The following IGFN1 variants were observed in gnomAD, a reference collection of about 807,000 sequenced individuals.
IGFN1 encodes immunoglobulin like and fibronectin type III domain containing 1, also known as immunoglobulin-like and fibronectin type III domain-containing protein 1.
Under a neutral mutation model 289.5 loss-of-function variants are expected in IGFN1, and 253 were observed. The observed-to-expected ratio is 0.87, with a 90% CI of 0.79 to 0.97. The LOEUF (loss-of-function observed/expected upper bound fraction) is 0.97. Ranked by LOEUF, IGFN1 falls within the 50% of genes least tolerant of loss-of-function variation. IGFN1 has a pLI of 0.00. For synonymous variants in IGFN1, 1,706 were observed against 1,788.5 expected, an observed-to-expected ratio of 0.95 and a Z score of 1.16; for missense variants, 4,470 against 4,686.1, an observed-to-expected ratio of 0.95 and a Z score of 1.35.
At chr1:201,226,453 T>C (rs570048556) in intron 22 of IGFN1, among the ~76,000 whole-genome samples, 56 of 152,298 alleles carry the variant, frequency 3.7e-4, no homozygotes, top group Non-Finnish European at 5.9e-5. Context: ...GAAAACAAAG[T>C]GTATATTTTA....
intron 16 of IGFN1, among the ~76,000 whole-genome samples, 167 bp from the exon 17 acceptor site, chr1:201,217,120 A>G (rs891016890): frequency 6.6e-6 from 1 of 152,044 alleles, no homozygotes; most frequent in Non-Finnish European, 1.5e-5. Flanking sequence ...CCTTCCCTTG[A>G]ATAGCCAGAA....
rs563054966 is a variant in IGFN1, at chr1:201,212,274, C to A, written c.7381C>A (p.Arg2461=). 3 of 1,535,648 alleles carry A rather than the reference C, an allele frequency of 2.0e-6. No individual in the cohort carries two copies. Among genetic ancestry groups the A allele is most frequent in the Non-Finnish European group, 2.6e-6 (3 of 1,146,484 alleles). ...QGGRQTLSDE[R]GSTKDLGGYG... is the part of the protein sequence containing the mutation. ...AGGGCGACAGACTCTTTCAGATGAGCGAGGCTCCACCAAAGATCTTGGGGG... is the reference window on the plus strand; with the variant it reads ...AGGGCGACAGACTCTTTCAGATGAGAGAGGCTCCACCAAAGATCTTGGGGG... Residue 2461 remains arginine, a synonymous_variant, in exon 12 of 24, where the codon CGA becomes AGA. Coordinates refer to ENST00000335211, the MANE Select transcript of IGFN1 (RefSeq NM_001164586.2).
chr1:201,221,799 G>C, intron 19 of IGFN1, 53 bp downstream of exon 19: 4 of 1,488,708 alleles, frequency 2.7e-6, no homozygotes, highest in Non-Finnish European at 2.7e-6. Context: ...TCTCCTAAGA[G>C]GGGGCCCCTG....
At position 201,210,000 on chromosome 1, in the gene IGFN1, G is replaced by A. The variant is rs71635535; in HGVS notation, c.5107G>A (p.Gly1703Arg). Residue 1703 changes from glycine to arginine, a missense_variant, in exon 12 of 24, where the codon GGG (glycine) becomes AGG (arginine). Physicochemically the swap from Gly to Arg is moderately radical, Grantham distance 125. Coordinates refer to ENST00000335211, the MANE Select transcript of IGFN1 (RefSeq NM_001164586.2). ...TGGTTTAGGGAGTTCTGTAGAAATG[G>A]GGTCAGTGAATGAGGCAGGTTATAG... is the stretch of plus-strand genomic sequence containing the variant. ...RDGLGSSVEMGSVNEAGYRKD... is the reference protein window; with the variant it reads ...RDGLGSSVEMRSVNEAGYRKD... The A allele has an allele frequency of 0.044, 65,221 of 1,497,742 alleles. 636 individuals are homozygous for A. Among genetic ancestry groups the A allele is most frequent in the Middle Eastern group, 0.053 (307 of 5,838 alleles). 92.8% of individuals were successfully genotyped at this position (1,497,742 alleles called of 1,614,324 possible).
intron 4 of IGFN1, among the ~76,000 whole-genome samples, chr1:201,196,276 C>G (rs1303378167): frequency 6.6e-6 from 1 of 152,166 alleles, no homozygotes; most frequent in African/African-American, 2.4e-5. Context: ...TTTAGAAAGT[C>G]ATTTTACTCT....
chr1:201,212,691 G>C lies in IGFN1; in HGVS notation c.7798G>C (p.Asp2600His), dbSNP rs977427776. 6.5e-7 allele frequency: 1 copy of C among 1,548,516 alleles called. No homozygotes were observed. The highest frequency in any genetic ancestry group is 8.7e-7 in the Non-Finnish European group (1 of 1,145,266). ...GSSVGTGQDL[D>H]SGSMPGGRGK... ...TTCAGTGGGGACAGGTCAGGATCTG[G>C]ACAGCGGCTCTATGCCTGGGGGAAG... The change falls in exon 12 of 24, where the codon GAC becomes CAC. Residue 2600 changes from aspartate to histidine, a missense_variant. Transcript: ENST00000335211.
rs1375987620 is a variant in IGFN1 at position 201,226,036 on chromosome 1, T to C, written c.10699T>C (p.Tyr3567His). The change falls in exon 22 of 24, where the codon TAC (tyrosine) becomes CAC (histidine). Residue 3567 changes from tyrosine (Y) to histidine (H), a missense_variant. Transcript: ENST00000335211. ...CCTGGGCATCCTCCCCGGCCACGAA[T>C]ACCACTTCAGGGTGGTGGCCAAGAA... is the stretch of plus-strand genomic sequence containing the variant. Reference protein sequence around the residue: ...TLLGILPGHEYHFRVVAKNEL... With the variant: ...TLLGILPGHEHHFRVVAKNEL... The C allele has an allele frequency of 1.3e-6, 2 of 1,591,554 alleles. No homozygotes were observed. The highest frequency in any genetic ancestry group is 8.6e-7 in the Non-Finnish European group (1 of 1,166,158).
chr1:201,219,587 C>G (rs1653572979), intron 18 of IGFN1, among the ~76,000 whole-genome samples: 1 of 152,232 alleles, frequency 6.6e-6, no homozygotes, highest in Non-Finnish European at 1.5e-5. Flanking sequence ...AAATGCTGCT[C>G]TGTATTTCTC....
rs1314736424 is a variant in IGFN1, at chr1:201,207,078, G to A, written c.2185G>A (p.Glu729Lys). ...GATACCTGGAGGCAAGGACTTCCAG[G>A]AACCATCAATATCAGGTGGTAGAAA... ...EQIPGGKDFQ[E>K]PSISGGRKFL... The change falls in exon 12 of 24, where the codon GAA becomes AAA. Residue 729 changes from glutamate to lysine, a missense_variant. Physicochemically the swap from Glu to Lys is moderately conservative, Grantham distance 56 (BLOSUM62 1). Transcript: ENST00000335211. 14 of 1,537,006 alleles carry A rather than the reference G, an allele frequency of 9.1e-6. No homozygotes were observed. Among genetic ancestry groups the A allele is most frequent in the Non-Finnish European group, 1.1e-5 (13 of 1,146,876 alleles).
intron 13 of IGFN1, 70 bp downstream of exon 13, chr1:201,214,371 C>A (rs941954308): frequency 8.2e-5 from 120 of 1,458,056 alleles, no homozygotes; most frequent in Non-Finnish European, 1.1e-4. Flanking sequence ...GGGGCAAGAG[C>A]GTAGAGGCTT....
chr1:201,218,008 TGCTGAAGGGTCTTGTGATAACCCTTAGCA>T (rs1653445248), intron 17 of IGFN1, among the ~76,000 whole-genome samples: 2 of 152,244 alleles, frequency 1.3e-5, no homozygotes, highest in Admixed American at 1.3e-4. Flanking sequence ...GCTGGGCAGA[TGCTGAAGGGTCTTGTGATAACCCTTAGCA>T]TTTCCTTGCT....
chr1:201,206,035 C>A, intron 11 of IGFN1, 48 bp from the exon 12 acceptor site: 1 of 1,287,520 alleles, frequency 7.8e-7, no homozygotes, highest in South Asian at 1.3e-5. Context: ...TTTCTCTTGT[C>A]TCTCCATGTG....
chr1:201,204,431 C>G (rs533246048), intron 10 of IGFN1, among the ~76,000 whole-genome samples: 1 of 152,202 alleles, frequency 6.6e-6, no homozygotes, highest in Non-Finnish European at 1.5e-5. Flanking sequence ...AGAGCACCTG[C>G]CAGCTCAAGG....
Position 201,211,211 on chromosome 1 carries a change from T to C in IGFN1, c.6318T>C (p.Tyr2106=). The C allele has an allele frequency of 6.5e-7, 1 of 1,531,134 alleles. No individual in the cohort carries two copies. The highest frequency in any genetic ancestry group is 8.7e-7 in the Non-Finnish European group (1 of 1,144,772). The allele number at this position is 1,531,134 out of a possible 1,614,324, so 94.8% of individuals were successfully genotyped here. A position where few individuals can be genotyped will look rare whatever the true frequency, so the allele number is the denominator to read the frequency against. Residue 2106 remains tyrosine (Y), a synonymous_variant, in exon 12 of 24, where the codon TAT becomes TAC. Transcript: ENST00000335211. ...EEMESMDEAG[Y]RKDLGAPEGI... Reference sequence around the variant, plus strand: ...TGGAGTCAATGGATGAGGCAGGTTATAGGAAGGATTTGGGGGCTCCTGAGG... The same window carrying C: ...TGGAGTCAATGGATGAGGCAGGTTACAGGAAGGATTTGGGGGCTCCTGAGG...
Position 201,209,374 on chromosome 1 carries a change from G to A in IGFN1, c.4481G>A (p.Gly1494Asp). Residue 1494 changes from glycine to aspartate, a missense_variant, in exon 12 of 24, where the codon GGC becomes GAC. Around this residue, in one of 8 missense-constraint regions of IGFN1, gnomAD observed 2,011 missense variants for 1,953.4 expected, o/e 1.03. Transcript: ENST00000335211. Reference sequence around the variant, plus strand: ...GGGGAAATGGGGTTAATTGAGGCAGGCTATAGGAAAGATTTGGGGGTTTCT... The same window carrying A: ...GGGGAAATGGGGTTAATTGAGGCAGACTATAGGAAAGATTTGGGGGTTTCT... The part of the protein sequence containing the change: ...GSGEMGLIEA[G>D]YRKDLGVSEG... 6.6e-7 allele frequency: 1 copy of A among 1,508,466 alleles called. No homozygotes were observed. The allele number at this position is 1,508,466 out of a possible 1,614,324, so 93.4% of individuals were successfully genotyped here. A position where few individuals can be genotyped will look rare whatever the true frequency, so the allele number is the denominator to read the frequency against.
chr1:201,195,821 C>T lies in IGFN1; in HGVS notation c.128-18C>T, dbSNP rs934572502. 1.9e-5 allele frequency: 29 copies of T among 1,549,798 alleles called. No individual in the cohort carries two copies. The highest frequency in any genetic ancestry group is 1.4e-4 in the Admixed American group (7 of 50,818). ...CTCCCAACTTGTCAGTCTCCCTACT[C>T]GTCTCTTCCTGCTGCAGGGAAAAAT... On this transcript the variant is annotated intron_variant, in intron 3 of 23. Coordinates refer to ENST00000335211, the MANE Select transcript of IGFN1 (RefSeq NM_001164586.2).
rs775712130 is a variant in IGFN1 at position 201,217,364 on chromosome 1, C to A, written c.9673C>A (p.Arg3225=). 3 of 1,614,048 alleles carry A rather than the reference C, an allele frequency of 1.9e-6. No individual in the cohort carries two copies. The African/African-American group carries it at 4.0e-5, about 22-fold the overall frequency. Residue 3225 remains arginine (R), a synonymous_variant, in exon 17 of 24, where the codon CGG becomes AGG. Coordinates refer to ENST00000335211, the MANE Select transcript of IGFN1 (RefSeq NM_001164586.2). The part of the protein sequence containing the change: ...QGITLTWTAP[R]GPGSAHILGY... ...CATCACACTGACATGGACAGCACCTCGGGGCCCCGGCAGCGCCCACATCCT... is the reference window on the plus strand; with the variant it reads ...CATCACACTGACATGGACAGCACCTAGGGGCCCCGGCAGCGCCCACATCCT...
rs1486380916 is a variant in IGFN1, at chr1:201,200,833, T to C, written c.633+422T>C. The stretch of plus-strand genomic sequence containing the variant: ...GGGAGGTACCTGGTTTATTTCTTTC[T>C]TTTTTTTTTTTTTTTTAAGATGGAG... On this transcript the variant is annotated intron_variant, in intron 8 of 23. Transcript: ENST00000335211. 2.9e-3 allele frequency among the ~76,000 whole-genome samples: 153 copies of C among 53,544 alleles called. 2 individuals are homozygous for C. Among genetic ancestry groups the C allele is most frequent in the African/African-American group, 9.6e-3 (143 of 14,892 alleles). 35.1% of individuals were successfully genotyped at this position (53,544 alleles called of 152,430 possible). A position where few individuals can be genotyped will look rare whatever the true frequency, so the allele number is the denominator to read the frequency against.
Position 201,211,933 on chromosome 1 carries a change from C to G in IGFN1, c.7040C>G (p.Ser2347Cys), listed in dbSNP as rs549940952. The change falls in exon 12 of 24, where the codon TCT becomes TGT. Residue 2347 changes from serine to cysteine, a missense_variant. Around this residue, in one of 8 missense-constraint regions of IGFN1, gnomAD observed 2,218 missense variants for 2,114.1 expected, o/e 1.05. Transcript: ENST00000335211. ...AGTTATAGAGGAGGCTCAGGAGGAT[C>G]TGGGGAAACGGGACCAGAGGGTAAG... is the stretch of plus-strand genomic sequence containing the variant. ...EVSYRGGSGG[S>C]GETGPEGKMG... The G allele has an allele frequency of 2.0e-6, 3 of 1,527,160 alleles. No individual in the cohort carries two copies. The East Asian group carries it at 7.3e-5, about 37-fold the overall frequency. The allele number at this position is 1,527,160 out of a possible 1,614,324, so 94.6% of individuals were successfully genotyped here. A position where few individuals can be genotyped will look rare whatever the true frequency, so the allele number is the denominator to read the frequency against.
Sources: gnomAD v4.1 joint callset for allele counts (sites outside exome capture counted in the v4.1 genomes callset) on GRCh38, gnomAD v4.1.1 for gene constraint, gnomAD v4.1.1 regional missense constraint, MANE v1.5 for transcripts, NCBI Gene and HGNC (gene_info 2026-07-23, HGNC 2026-07-21) for gene names.